NDC1: variants seen among roughly 807,000 people sequenced by gnomAD.
The protein encoded by NDC1 is nucleoporin NDC1.
A neutral mutation model predicts 89.8 loss-of-function variants in NDC1; 24 were observed. The observed-to-expected ratio is 0.27, with a 90% confidence interval of 0.19 to 0.38. NDC1 has a LOEUF of 0.38. NDC1 is among the 10% of genes least tolerant of loss of function. The pLI is 1.00. For missense variants in NDC1, 728 were observed against 797.6 expected (o/e 0.91, Z 1.05); for synonymous variants, 296 against 284.8 (o/e 1.04, Z -0.39).
At chr1:53,807,103 C>G (rs1443591645) in intron 8 of NDC1, among the ~76,000 whole-genome samples, 1 of 151,756 alleles carries the variant, frequency 6.6e-6, no homozygotes, top group Non-Finnish European at 1.5e-5. Flanking sequence ...AAAAATTAGC[C>G]GGGCATGGTG....
chr1:53,833,402 C>T (rs1649129896), intron 2 of NDC1, among the ~76,000 whole-genome samples: 1 of 152,078 alleles, frequency 6.6e-6, no homozygotes, highest in Admixed American at 6.6e-5. Flanking sequence ...TCCCAAAATG[C>T]TGGGATTACA....
chr1:53,774,489 A>G (rs1361918943), intron 16 of NDC1, among the ~76,000 whole-genome samples: 1 of 152,238 alleles, frequency 6.6e-6, no homozygotes, highest in East Asian at 1.9e-4. Context: ...AATAATCATC[A>G]TCATTAATGC....
chr1:53,793,089 T>G, intron 14 of NDC1, 140 bp downstream of exon 14: 1 of 693,322 alleles, frequency 1.4e-6, no homozygotes, highest in Non-Finnish European at 2.5e-6. Flanking sequence ...AAACGGAGGT[T>G]CAGTGAAGCA....
At chr1:53,808,923 T>C (rs1648203879) in intron 7 of NDC1, among the ~76,000 whole-genome samples, 2 of 152,166 alleles carry the variant, frequency 1.3e-5, no homozygotes, top group African/African-American at 2.4e-5. Context: ...ATTCCATATA[T>C]GAAACAAAAA....
chr1:53,792,094 C>A (rs565213109), intron 14 of NDC1, among the ~76,000 whole-genome samples: 2 of 152,058 alleles, frequency 1.3e-5, no homozygotes, highest in African/African-American at 4.8e-5. Context: ...AGGCGCCCAC[C>A]ACTGCGCCTG....
chr1:53,782,056 A>G (rs890820092), intron 16 of NDC1, among the ~76,000 whole-genome samples: 5 of 152,250 alleles, frequency 3.3e-5, no homozygotes, highest in African/African-American at 1.2e-4. Context: ...AATAAAGACA[A>G]TAAAGTGTTG....
intron 6 of NDC1, among the ~76,000 whole-genome samples, chr1:53,814,279 C>T (rs545647077): frequency 2.0e-5 from 3 of 152,140 alleles, no homozygotes; most frequent in South Asian, 2.1e-4. Context: ...GGCGTGAACC[C>T]GGGAGGTGGA....
At position 53,767,504 on chromosome 1, in the gene NDC1, C is replaced by G. The variant is rs1324512824; in HGVS notation, c.*466G>C. 1 of 152,232 alleles carries G rather than the reference C, an allele frequency of 6.6e-6. No individual in the cohort carries two copies. Among genetic ancestry groups the G allele is most frequent in the South Asian group, 2.1e-4 (1 of 4,834 alleles). The allele number at this position is 152,232 out of a possible 1,614,324, so 9.4% of individuals were successfully genotyped here. Reference sequence around the variant, plus strand: ...TTTTGTGAATATTGCTGCACTGTTACCATTTTTATCCTTCAGTAAATGAAA... The same window carrying G: ...TTTTGTGAATATTGCTGCACTGTTAGCATTTTTATCCTTCAGTAAATGAAA... On this transcript the variant is annotated 3_prime_UTR_variant, in exon 18 of 18. Coordinates refer to ENST00000371429, the MANE Select transcript of NDC1 (RefSeq NM_018087.5).
intron 1 of NDC1, among the ~76,000 whole-genome samples, chr1:53,837,277 A>T (rs185791908): frequency 1.4e-4 from 21 of 152,294 alleles, no homozygotes; most frequent in East Asian, 7.7e-4. Context: ...AATAATTTTT[A>T]AAAAAATTTT....
intron 16 of NDC1, among the ~76,000 whole-genome samples, chr1:53,780,646 C>T (rs969790198): frequency 6.6e-6 from 1 of 152,198 alleles, no homozygotes; most frequent in South Asian, 2.1e-4. Context: ...TAGGGTTGAT[C>T]AACTTCATTA....
At chr1:53,812,324 A>G (rs1648336266) in intron 6 of NDC1, among the ~76,000 whole-genome samples, 1 of 152,254 alleles carries the variant, frequency 6.6e-6, no homozygotes, top group African/African-American at 2.4e-5. Context: ...GGGAGGGACC[A>G]GAGAAAGGCG....
chr1:53,830,076 G>T (rs560521861), intron 3 of NDC1, among the ~76,000 whole-genome samples: 1 of 151,978 alleles, frequency 6.6e-6, no homozygotes, highest in Admixed American at 6.6e-5. Flanking sequence ...ACTTGAACCC[G>T]GGAGGCAGAG....
intron 13 of NDC1, among the ~76,000 whole-genome samples, chr1:53,795,465 C>G (rs188101156): frequency 2.6e-5 from 4 of 152,244 alleles, no homozygotes; most frequent in Admixed American, 2.6e-4. Context: ...AATCAAACTC[C>G]TGATTTCCCT....
Position 53,825,941 on chromosome 1 carries a change from A to G in NDC1, c.456-5T>C. On this transcript the variant is annotated splice_region_variant and splice_polypyrimidine_tract_variant and intron_variant, in intron 4 of 17. Transcript: ENST00000371429. Reference sequence around the variant, plus strand: ...TGCGCAGCAGGGCTACCAAAGCTGAAGGGAAAAAATTAAGTTATTAATTCA... The same window carrying G: ...TGCGCAGCAGGGCTACCAAAGCTGAGGGGAAAAAATTAAGTTATTAATTCA... 3 of 1,610,380 alleles carry G rather than the reference A, an allele frequency of 1.9e-6. No individual in the cohort carries two copies. The Admixed American group carries it at 5.1e-5, about 27-fold the overall frequency.
Position 53,772,708 on chromosome 1 carries a change from TAACATAACATAACAA to T in NDC1, c.1801-234_1801-220del, listed in dbSNP as rs1423968306. ...TAACATAACATAACATAACATAACA[TAACATAACATAACAA>T]AACAAAACAAACATAATATAACATA... On this transcript the variant is annotated intron_variant, in intron 16 of 17. Transcript: ENST00000371429. 1.2e-3 allele frequency among the ~76,000 whole-genome samples: 182 copies of T among 149,564 alleles called. 1 individual carries two copies. Among genetic ancestry groups the T allele is most frequent in the African/African-American group, 4.4e-3 (177 of 40,688 alleles).
intron 16 of NDC1, 66 bp from the exon 17 acceptor site, chr1:53,772,555 G>A: frequency 4.7e-6 from 7 of 1,493,602 alleles, no homozygotes; most frequent in Non-Finnish European, 6.5e-6. Flanking sequence ...CAGGTGCTGT[G>A]GCTCACATGT....
intron 16 of NDC1, among the ~76,000 whole-genome samples, chr1:53,782,506 G>T (rs768654843): frequency 5.9e-5 from 9 of 152,222 alleles, no homozygotes; most frequent in Non-Finnish European, 1.3e-4. Context: ...CGCAAGTCAG[G>T]AGGGAGCTGA....
intron 3 of NDC1, among the ~76,000 whole-genome samples, chr1:53,832,017 A>G (rs982869100): frequency 1.3e-5 from 2 of 152,182 alleles, no homozygotes; most frequent in Non-Finnish European, 2.9e-5. Context: ...ATGAACTATT[A>G]AAAGGTCTAA....
rs902467346 is a variant in NDC1, at chr1:53,767,378, A to G, written c.*592T>C. ...TCCTTTATATAGAGTTAGCATCTGTAAACTGAGACCCTTTTTTGGGTAATC... is the reference window on the plus strand; with the variant it reads ...TCCTTTATATAGAGTTAGCATCTGTGAACTGAGACCCTTTTTTGGGTAATC... On this transcript the variant is annotated 3_prime_UTR_variant, in exon 18 of 18. Coordinates refer to ENST00000371429, the MANE Select transcript of NDC1 (RefSeq NM_018087.5). 6.6e-6 allele frequency: 1 copy of G among 152,196 alleles called. No individual in the cohort carries two copies. Among genetic ancestry groups the G allele is most frequent in the African/African-American group, 2.4e-5 (1 of 41,462 alleles). The allele number at this position is 152,196 out of a possible 1,614,324, so 9.4% of individuals were successfully genotyped here.
Sources: allele counts gnomAD v4.1 joint callset (sites outside exome capture counted in the v4.1 genomes callset), GRCh38; gene constraint gnomAD v4.1.1; transcripts MANE v1.5; gene names NCBI Gene and HGNC (gene_info 2026-07-23, HGNC 2026-07-21).